Variants in KLF15 observed in about 807,000 individuals in gnomAD.
The protein encoded by KLF15 is KLF transcription factor 15.
KLF15 carries 4 observed loss-of-function variants against 24.6 expected under a neutral mutation model. The ratio of observed to expected loss-of-function variants is 0.16; its 90% CI spans 0.08 to 0.37. The LOEUF (loss-of-function observed/expected upper bound fraction) is 0.37, where lower values mean the gene tolerates loss of function less well. KLF15 is among the 10% of genes least tolerant of loss of function. The pLI, the probability that KLF15 is intolerant of heterozygous loss-of-function variation, is 1.00. For synonymous variants in KLF15, 246 were observed against 236.3 expected (o/e 1.04, Z -0.37); for missense variants, 496 against 560.6 (o/e 0.88, Z 1.16).
At chr3:126,340,921 C>G (rs1354041241), downstream of KLF15, among the ~76,000 whole-genome samples, 2 of 152,176 alleles carry the variant, frequency 1.3e-5, no homozygotes, top group African/African-American at 2.4e-5. Context: ...GGGTGCCACA[C>G]AGCTGGGCTC....
At chr3:126,328,101 T>C in the KLF15 span, among the ~76,000 whole-genome samples, 1 of 148,310 alleles carries the variant, frequency 6.7e-6, no homozygotes, top group East Asian at 2.1e-4. Context: ...TCCCCCCAAG[T>C]CCCCAAAGTC....
the KLF15 span, among the ~76,000 whole-genome samples, chr3:126,310,516 C>A: frequency 6.6e-6 from 1 of 152,112 alleles, no homozygotes; most frequent in Non-Finnish European, 1.5e-5. Context: ...GCTTAGGCTA[C>A]CATAGCAAAA....
At chr3:126,322,819 G>C in the KLF15 span, among the ~76,000 whole-genome samples, 1 of 152,176 alleles carries the variant, frequency 6.6e-6, no homozygotes, top group Non-Finnish European at 1.5e-5. Context: ...GCCAGGCAAA[G>C]CCTTATTTTC....
downstream of KLF15, among the ~76,000 whole-genome samples, chr3:126,337,646 T>A (rs1279511893): frequency 6.6e-6 from 1 of 151,576 alleles, no homozygotes; most frequent in Non-Finnish European, 1.5e-5. Flanking sequence ...TTTCCTGGGG[T>A]GAAGGGTGGA....
At chr3:126,328,062 T>C in the KLF15 span, among the ~76,000 whole-genome samples, 1 of 152,080 alleles carries the variant, frequency 6.6e-6, no homozygotes, top group African/African-American at 2.4e-5. Flanking sequence ...ATATCTGTAA[T>C]CTTTTATACC....
the KLF15 span, among the ~76,000 whole-genome samples, chr3:126,337,585 A>T: frequency 1.3e-5 from 2 of 151,382 alleles, no homozygotes; most frequent in Non-Finnish European, 2.9e-5. Context: ...ATTAAAAAAA[A>T]AGTCTAGTGG....
At position 126,343,839 on chromosome 3, in the gene KLF15, G is replaced by A; in HGVS notation, c.1139C>T (p.Pro380Leu). 2 of 1,610,962 alleles carry A rather than the reference G, an allele frequency of 1.2e-6. No individual in the cohort carries two copies. The highest frequency in any genetic ancestry group is 1.7e-6 in the Non-Finnish European group (2 of 1,179,610). The change falls in exon 3 of 3, where the codon CCG becomes CTG. Residue 380 changes from proline to leucine, a missense_variant. Physicochemically the swap from Pro to Leu is moderately conservative, Grantham distance 98 (BLOSUM62 -3). Around this residue, in one of 3 missense-constraint regions of KLF15, gnomAD observed 59 missense variants for 106.1 expected, o/e 0.56. Coordinates refer to ENST00000296233, the MANE Select transcript of KLF15 (RefSeq NM_014079.4). The part of the protein sequence containing the change: ...RHRRSHSGVK[P>L]YQCPVCEKKF... ...CTTCTCGCACACAGGACACTGGTAC[G>A]GCTTCACACCTGAGTGCGAGCGCCT... is the stretch of plus-strand genomic sequence containing the variant.
chr3:126,318,858 A>C, the KLF15 span, among the ~76,000 whole-genome samples: 1 of 152,226 alleles, frequency 6.6e-6, no homozygotes, highest in Non-Finnish European at 1.5e-5. Context: ...GTTCACTCCT[A>C]GTGGTGTACA....
At chr3:126,324,677 TAGG>T in the KLF15 span, among the ~76,000 whole-genome samples, 1 of 148,152 alleles carries the variant, frequency 6.7e-6, no homozygotes, top group Non-Finnish European at 1.5e-5. Flanking sequence ...GAATGTTGCA[TAGG>T]AGATGTTGTG....
chr3:126,331,268 A>G, the KLF15 span, among the ~76,000 whole-genome samples: 1 of 152,202 alleles, frequency 6.6e-6, no homozygotes, highest in Non-Finnish European at 1.5e-5. Flanking sequence ...GGCATCTGGT[A>G]TTGAACAGAG....
intron 2 of KLF15, among the ~76,000 whole-genome samples, chr3:126,348,349 G>A (rs559435962): frequency 1.3e-5 from 2 of 152,224 alleles, no homozygotes; most frequent in African/African-American, 2.4e-5. Flanking sequence ...TTATTATCTC[G>A]ATTGTGGTCG....
chr3:126,321,193 T>G, the KLF15 span, among the ~76,000 whole-genome samples: 1 of 152,140 alleles, frequency 6.6e-6, no homozygotes, highest in Admixed American at 6.5e-5. Context: ...CTCTCAACCC[T>G]GGAGACGGCA....
At chr3:126,315,451 G>C in the KLF15 span, among the ~76,000 whole-genome samples, 1 of 152,192 alleles carries the variant, frequency 6.6e-6, no homozygotes, top group African/African-American at 2.4e-5. Context: ...TGCCCCAGAT[G>C]GGGGAGGGGC....
At chr3:126,350,679 C>A (rs2082575362) in intron 2 of KLF15, among the ~76,000 whole-genome samples, 1 of 152,258 alleles carries the variant, frequency 6.6e-6, no homozygotes, top group Admixed American at 6.5e-5. Context: ...ACACAGGCAG[C>A]CACACATGGT....
chr3:126,321,435 G>A, the KLF15 span, among the ~76,000 whole-genome samples: 7 of 152,230 alleles, frequency 4.6e-5, no homozygotes, highest in Admixed American at 3.9e-4. Flanking sequence ...CCTGCTCCAG[G>A]CAGAGCTCTG....
chr3:126,342,215 G>A (rs760274418), downstream of KLF15, among the ~76,000 whole-genome samples: 1 of 152,206 alleles, frequency 6.6e-6, no homozygotes, highest in Non-Finnish European at 1.5e-5. Flanking sequence ...ACGTTCCTAA[G>A]GGGGTAAATA....
the KLF15 span, among the ~76,000 whole-genome samples, chr3:126,330,848 C>A: frequency 2.0e-5 from 3 of 152,308 alleles, no homozygotes; most frequent in East Asian, 1.9e-4. Context: ...ATGTGAATAA[C>A]CAGTGTCTCC....
the KLF15 span, among the ~76,000 whole-genome samples, chr3:126,296,776 C>G: frequency 6.6e-6 from 1 of 152,176 alleles, no homozygotes; most frequent in African/African-American, 2.4e-5. Flanking sequence ...CTTCCATTCT[C>G]AAATAGGAAA....
At chr3:126,329,034 G>A in the KLF15 span, among the ~76,000 whole-genome samples, 2 of 152,146 alleles carry the variant, frequency 1.3e-5, no homozygotes, top group Non-Finnish European at 2.9e-5. Flanking sequence ...TCTTAAACAG[G>A]AGTTTAAATG....
Sources: gnomAD v4.1 joint callset for allele counts (sites outside exome capture counted in the v4.1 genomes callset) on GRCh38, gnomAD v4.1.1 for gene constraint, gnomAD v4.1.1 regional missense constraint, MANE v1.5 for transcripts, NCBI Gene and HGNC (gene_info 2026-07-23, HGNC 2026-07-21) for gene names.